The following KCNQ1 variants were observed in gnomAD, a reference collection of about 807,000 sequenced individuals.
KCNQ1 encodes the protein potassium voltage-gated channel subfamily KQT member 1.
A neutral mutation model predicts 72.4 loss-of-function variants in KCNQ1; 49 were observed. The observed-to-expected ratio is 0.68, with a 90% CI of 0.54 to 0.86. KCNQ1 has a LOEUF of 0.86. Among genes scored for constraint, KCNQ1 ranks in the 40% least tolerant of loss-of-function variants. KCNQ1 has a pLI of 0.00. For synonymous variants in KCNQ1, 450 were observed against 412.6 expected (o/e 1.09, Z -1.10); for missense variants, 790 against 945.1 (o/e 0.84, Z 2.15).
At chr11:2,644,017 T>C (rs1240193642) in intron 10 of KCNQ1, 2 of 398,464 alleles carry the variant, frequency 5.0e-6, no homozygotes, top group African/African-American at 2.1e-5. Context: ...CTTTTATCGC[T>C]GGTTTTATGA....
chr11:2,508,277 C>T lies in KCNQ1; in HGVS notation c.387-19651C>T, dbSNP rs992581003. On this transcript the variant is annotated intron_variant, in intron 1 of 15. Coordinates refer to ENST00000155840, the MANE Select transcript of KCNQ1 (RefSeq NM_000218.3). This position sits in a 1 kb window ranked among gnomAD's most constrained non-coding sequence, Gnocchi z 6.2. ...TGGGCTCCTGTGGGGACCATACTGG[C>T]TTGTCTGACTTGCCGTTACCCGGCG... Among the ~76,000 whole-genome samples, 1 of 152,206 alleles carries T rather than the reference C, an allele frequency of 6.6e-6. No homozygotes were observed. The highest frequency in any genetic ancestry group is 2.4e-5 in the African/African-American group (1 of 41,462).
chr11:2,845,724 C>T (rs1490597817), intron 15 of KCNQ1, among the ~76,000 whole-genome samples: 1 of 152,208 alleles, frequency 6.6e-6, no homozygotes, highest in Non-Finnish European at 1.5e-5. Flanking sequence ...CTGCAGCCCC[C>T]ACCACCCAGG....
intron 15 of KCNQ1, among the ~76,000 whole-genome samples, chr11:2,802,900 C>T (rs192511255): frequency 2.9e-4 from 44 of 152,340 alleles, no homozygotes; most frequent in African/African-American, 9.1e-4. Flanking sequence ...CCAGCAGACC[C>T]TACAGCGCTA....
intron 11 of KCNQ1, among the ~76,000 whole-genome samples, chr11:2,749,576 G>A (rs1376551052): frequency 2.0e-5 from 3 of 151,136 alleles, no homozygotes; most frequent in Admixed American, 6.6e-5. Flanking sequence ...TTGGGAGGCC[G>A]AGGCGGGCGG....
At chr11:2,789,822 G>A (rs925765851) in intron 15 of KCNQ1, among the ~76,000 whole-genome samples, 20 of 152,208 alleles carry the variant, frequency 1.3e-4, no homozygotes, top group Admixed American at 3.3e-4. Flanking sequence ...GTGATGTCAC[G>A]TGGAGGTGAG....
chr11:2,619,520 T>C, intron 10 of KCNQ1: 1 of 398,584 alleles, frequency 2.5e-6, no homozygotes, highest in Non-Finnish European at 4.4e-6. Context: ...TAATTCCACA[T>C]AGACATGATA....
chr11:2,826,168 G>A lies in KCNQ1; in HGVS notation c.1795-21599G>A, dbSNP rs773887414. Among the ~76,000 whole-genome samples the A allele has an allele frequency of 6.6e-6, 1 of 152,226 alleles. No individual in the cohort carries two copies. Among genetic ancestry groups the A allele is most frequent in the African/African-American group, 2.4e-5 (1 of 41,456 alleles). ...GGGGGCGGGGGCTGTCCAGCCCGCA[G>A]CAGAACCTCTCCGAGGGAGTGCTAT... On this transcript the variant is annotated intron_variant, in intron 15 of 15. Coordinates refer to ENST00000155840, the MANE Select transcript of KCNQ1 (RefSeq NM_000218.3). This position sits in a 1 kb window ranked among gnomAD's most constrained non-coding sequence, Gnocchi z 4.2.
At chr11:2,460,124 G>A (rs922280139) in intron 1 of KCNQ1, among the ~76,000 whole-genome samples, 1 of 152,074 alleles carries the variant, frequency 6.6e-6, no homozygotes, top group African/African-American at 2.4e-5. Flanking sequence ...CAGTGCCCAT[G>A]GGCAGCAGAG....
chr11:2,685,821 A>G, intron 11 of KCNQ1: 1 of 398,730 alleles, frequency 2.5e-6, no homozygotes. Flanking sequence ...GATTCCTACT[A>G]GAACGAGGCT....
intron 1 of KCNQ1, among the ~76,000 whole-genome samples, chr11:2,521,773 G>A (rs2054156613): frequency 6.6e-6 from 1 of 152,250 alleles, no homozygotes; most frequent in South Asian, 2.1e-4. Flanking sequence ...AGTGGGCATG[G>A]AAGGCCAGAG....
intron 11 of KCNQ1, chr11:2,680,852 A>C: frequency 2.5e-6 from 1 of 398,496 alleles, no homozygotes; most frequent in Non-Finnish European, 4.4e-6. Context: ...CTTTTCACTC[A>C]GCACAATTCC....
intron 15 of KCNQ1, among the ~76,000 whole-genome samples, chr11:2,802,965 A>G (rs1847300086): frequency 6.6e-6 from 1 of 152,202 alleles, no homozygotes; most frequent in South Asian, 2.1e-4. Context: ...TGCCCTGGCC[A>G]CCACAGGGCA....
intron 10 of KCNQ1, among the ~76,000 whole-genome samples, chr11:2,594,571 G>A (rs1036697389): frequency 6.6e-6 from 1 of 152,058 alleles, no homozygotes; most frequent in African/African-American, 2.4e-5. Flanking sequence ...TTCCTCAGCT[G>A]TCTCATAGAT....
rs1848684439 is a variant in KCNQ1 at position 2,592,562 on chromosome 11, G to A, written c.1393+3708G>A. Among the ~76,000 whole-genome samples the A allele has an allele frequency of 1.3e-5, 2 of 152,332 alleles. No individual in the cohort carries two copies. Among genetic ancestry groups the A allele is most frequent in the South Asian group, 2.1e-4 (1 of 4,830 alleles). On this transcript the variant is annotated intron_variant, in intron 10 of 15. Coordinates refer to ENST00000155840, the MANE Select transcript of KCNQ1 (RefSeq NM_000218.3). This position sits in a 1 kb window ranked among gnomAD's most constrained non-coding sequence, Gnocchi z 5.2. ...CAGCCCGAGAGCCAGAGCACAGCAG[G>A]GGCTGGCCAGCCTAGCCCTAGAGTC...
intron 11 of KCNQ1, among the ~76,000 whole-genome samples, chr11:2,756,157 C>T (rs1846295004): frequency 6.6e-6 from 1 of 152,192 alleles, no homozygotes; most frequent in Non-Finnish European, 1.5e-5. Context: ...GTTGACCCAG[C>T]AGTCCCATAT....
intron 10 of KCNQ1, chr11:2,614,591 A>G (rs775103549): frequency 7.5e-6 from 3 of 398,456 alleles, no homozygotes; most frequent in Non-Finnish European, 1.3e-5. Context: ...TCATTCTTTG[A>G]TATATGAGGA....
rs1850216960 is a variant in KCNQ1, at chr11:2,673,146, C to T, written c.1514+11065C>T. 2.5e-6 allele frequency: 1 copy of T among 398,590 alleles called. No individual in the cohort carries two copies. The highest frequency in any genetic ancestry group is 4.4e-5 in the Admixed American group (1 of 22,716). The allele number at this position is 398,590 out of a possible 1,614,324, so 24.7% of individuals were successfully genotyped here. A position where few individuals can be genotyped will look rare whatever the true frequency, so the allele number is the denominator to read the frequency against. On this transcript the variant is annotated intron_variant, in intron 11 of 15. Transcript: ENST00000155840. The surrounding 1 kb of genome is among the most constrained non-coding windows in gnomAD (Gnocchi z 4.5). ...CATCAGGGCAGGGGTGCTGACCATC[C>T]CTGACCCAAGCACGAGGATCAGAAT...
At chr11:2,619,527 G>T in intron 10 of KCNQ1, 1 of 398,514 alleles carries the variant, frequency 2.5e-6, no homozygotes, top group Non-Finnish European at 4.4e-6. Context: ...ACATAGACAT[G>T]ATATATAATC....
intron 11 of KCNQ1, chr11:2,688,195 A>T: frequency 2.5e-6 from 1 of 398,842 alleles, no homozygotes; most frequent in Non-Finnish European, 4.4e-6. Context: ...AGGGGGCAGG[A>T]GGGGCTGCAC....
Sources: allele counts gnomAD v4.1 joint callset (sites outside exome capture counted in the v4.1 genomes callset), GRCh38; gene constraint gnomAD v4.1.1; non-coding constraint Gnocchi (gnomAD v3.1); transcripts MANE v1.5; gene names NCBI Gene and HGNC (gene_info 2026-07-23, HGNC 2026-07-21).